The following FRMPD3 variants were observed in gnomAD, a reference collection of about 807,000 sequenced individuals.
FRMPD3 encodes the protein FERM and PDZ domain-containing protein 3.
Under a neutral mutation model 97.9 loss-of-function variants are expected in FRMPD3, and 42 were observed. That is an observed-to-expected ratio of 0.43 (90% CI 0.34 to 0.55). The LOEUF (loss-of-function observed/expected upper bound fraction) is 0.55, where lower values mean the gene tolerates loss of function less well. FRMPD3 is among the 20% of genes least tolerant of loss of function. FRMPD3 has a pLI of 0.03. For missense variants in FRMPD3, 1,303 were observed against 1,457.7 expected (o/e 0.89, Z 1.73); for synonymous variants, 577 against 581.1 (o/e 0.99, Z 0.10).
At chrX:107,520,928 T>C (rs751724499) in intron 1 of FRMPD3, among the ~76,000 whole-genome samples, 1 of 112,106 alleles carries the variant, frequency 8.9e-6, no homozygotes, top group Non-Finnish European at 1.9e-5. Flanking sequence ...GCATAGTAAG[T>C]CCTCAATAAA....
At chrX:107,470,397 G>A (rs1240614949) in intron 1 of FRMPD3, among the ~76,000 whole-genome samples, 1 of 111,880 alleles carries the variant, frequency 8.9e-6, no homozygotes, top group Non-Finnish European at 1.9e-5. Flanking sequence ...GGCAGGCTTC[G>A]TTTCCTCACA....
At chrX:107,552,765 T>C in intron 6 of FRMPD3, 30 bp from the exon 7 acceptor site, 1 of 1,200,994 alleles carries the variant, frequency 8.3e-7, no homozygotes, top group Non-Finnish European at 1.1e-6. Context: ...AGAACTAATC[T>C]CCCTCTCAAG....
At chrX:107,581,426 A>G (rs1024140697) in intron 13 of FRMPD3, among the ~76,000 whole-genome samples, 4 of 110,222 alleles carry the variant, frequency 3.6e-5, no homozygotes, top group Admixed American at 9.8e-5. Context: ...CTGTTTTTTC[A>G]AAGACTGAGA....
chrX:107,512,406 G>A (rs1185643642), intron 1 of FRMPD3, among the ~76,000 whole-genome samples: 6 of 111,937 alleles, frequency 5.4e-5, no homozygotes, highest in Admixed American at 1.9e-4. Flanking sequence ...AAAAAGCCAC[G>A]ACAATCAGAA....
At chrX:107,472,357 G>A (rs1370250108) in intron 1 of FRMPD3, among the ~76,000 whole-genome samples, 1 of 111,351 alleles carries the variant, frequency 9.0e-6, no homozygotes, top group Non-Finnish European at 1.9e-5. Context: ...TTTTAGTCAT[G>A]AAGTCTTTGC....
At chrX:107,537,111 C>T (rs1923275446) in intron 4 of FRMPD3, among the ~76,000 whole-genome samples, 1 of 111,645 alleles carries the variant, frequency 9.0e-6, no homozygotes, top group South Asian at 3.8e-4. Context: ...CCCTTTGCTG[C>T]GGCCAGGCTG....
chrX:107,459,896 C>T (rs1298159445), intron 1 of FRMPD3, among the ~76,000 whole-genome samples: 1 of 106,563 alleles, frequency 9.4e-6, no homozygotes, highest in Non-Finnish European at 1.9e-5. Flanking sequence ...CACACACACA[C>T]ACACACACAC....
In FRMPD3 at chrX:107,530,464, GGAA is replaced by G. The variant is rs1922892567; in HGVS notation, c.207_209del (p.Glu69del). On this transcript the variant is annotated inframe_deletion, in exon 3 of 15. Coordinates refer to ENST00000683843, the MANE Select transcript of FRMPD3 (RefSeq NM_001388459.1). ...GTGACCAGATTGTGGCTATTAATGA[GGAA>G]GACGTGAGTGAAGCCCCGAGGGAGA... The G allele has an allele frequency of 8.4e-7, 1 of 1,196,034 alleles. No homozygotes were observed. Among genetic ancestry groups the G allele is most frequent in the African/African-American group, 1.8e-5 (1 of 57,018 alleles).
At chrX:107,484,570 C>T (rs765004370) in intron 1 of FRMPD3, among the ~76,000 whole-genome samples, 4 of 112,318 alleles carry the variant, frequency 3.6e-5, no homozygotes, top group African/African-American at 6.5e-5. Flanking sequence ...TGACAAGCTG[C>T]GTCATCGCTG....
intron 12 of FRMPD3, among the ~76,000 whole-genome samples, chrX:107,568,012 G>A (rs73522854): frequency 0.17 from 18,478 of 110,394 alleles, 3,345 homozygotes; most frequent in African/African-American, 0.54. Flanking sequence ...GACAATGCAC[G>A]TGTCTTATTA....
At chrX:107,471,841 G>C (rs1254173111) in intron 1 of FRMPD3, among the ~76,000 whole-genome samples, 1 of 112,249 alleles carries the variant, frequency 8.9e-6, no homozygotes, top group East Asian at 2.8e-4. Flanking sequence ...GAGTCAAAGG[G>C]TATTTCTGTT....
intron 1 of FRMPD3, among the ~76,000 whole-genome samples, chrX:107,501,836 CA>C (rs1921918921): frequency 9.2e-6 from 1 of 109,005 alleles, no homozygotes; most frequent in South Asian, 4.1e-4. Context: ...GCTATCCATG[CA>C]AAAAAGCCTT....
intron 7 of FRMPD3, among the ~76,000 whole-genome samples, chrX:107,553,197 C>T (rs373661129): frequency 4.6e-5 from 5 of 109,342 alleles, no homozygotes; most frequent in African/African-American, 1.7e-4. Flanking sequence ...AGATAAGGAG[C>T]AGTTGCAAGT....
chrX:107,503,061 G>A (rs936319771), intron 1 of FRMPD3, among the ~76,000 whole-genome samples: 11 of 111,789 alleles, frequency 9.8e-5, no homozygotes, highest in African/African-American at 3.3e-4. Flanking sequence ...GGGGGGAATG[G>A]GGGGGTTTCA....
At chrX:107,535,281 TG>T (rs1418253125) in intron 4 of FRMPD3, among the ~76,000 whole-genome samples, 1 of 112,127 alleles carries the variant, frequency 8.9e-6, no homozygotes, top group African/African-American at 3.2e-5. Flanking sequence ...ACTTTTCTTT[TG>T]AAATAATTGT....
At chrX:107,533,925 T>C (rs910687216) in intron 4 of FRMPD3, among the ~76,000 whole-genome samples, 5 of 112,440 alleles carry the variant, frequency 4.4e-5, no homozygotes. Context: ...TATTCATTCA[T>C]ATAAGTTACC....
chrX:107,581,160 G>C (rs1397688550), intron 13 of FRMPD3, among the ~76,000 whole-genome samples: 1 of 111,439 alleles, frequency 9.0e-6, no homozygotes, highest in African/African-American at 3.3e-5. Flanking sequence ...CCAAGCTAGA[G>C]TGCAGTGTCA....
chrX:107,559,287 T>C, intron 8 of FRMPD3, among the ~76,000 whole-genome samples: 1 of 111,672 alleles, frequency 9.0e-6, no homozygotes, highest in South Asian at 3.8e-4. Context: ...ATTTTAATTG[T>C]ATTAGGCATT....
chrX:107,563,046 G>A (rs1922441908), intron 10 of FRMPD3, 65 bp from the exon 11 acceptor site: 4 of 893,881 alleles, frequency 4.5e-6, no homozygotes, highest in Non-Finnish European at 6.5e-6. Flanking sequence ...TCCTCGTTGA[G>A]AACATGGGTT....
Sources: gnomAD v4.1 joint callset for allele counts (sites outside exome capture counted in the v4.1 genomes callset) on GRCh38, gnomAD v4.1.1 for gene constraint, MANE v1.5 for transcripts, NCBI Gene and HGNC (gene_info 2026-07-23, HGNC 2026-07-21) for gene names.